Variants in PCDH15 observed in about 807,000 individuals in gnomAD.
PCDH15 encodes protocadherin-15.
Under a neutral mutation model 178.5 loss-of-function variants are expected in PCDH15, and 129 were observed. The observed-to-expected ratio is 0.72, with a 90% CI of 0.63 to 0.84. PCDH15 has a LOEUF of 0.84. Ranked by LOEUF, PCDH15 falls within the 40% of genes least tolerant of loss-of-function variation. The pLI is 0.00. For synonymous variants in PCDH15, 800 were observed against 732.0 expected, an observed-to-expected ratio of 1.09 and a Z score of -1.50; for missense variants, 2,230 against 2,099.9, an observed-to-expected ratio of 1.06 and a Z score of -1.21.
intron 2 of PCDH15, among the ~76,000 whole-genome samples, chr10:55,415,383 C>T (rs1288538290): frequency 6.6e-6 from 1 of 151,494 alleles, no homozygotes; most frequent in Non-Finnish European, 1.5e-5. Flanking sequence ...ATATAATAAA[C>T]AGAAAATTGC....
intron 2 of PCDH15, among the ~76,000 whole-genome samples, chr10:55,455,453 A>G (rs112027059): frequency 7.2e-5 from 11 of 152,300 alleles, no homozygotes; most frequent in African/African-American, 2.6e-4. Flanking sequence ...ATGACACTAA[A>G]AAACAGCTGG....
At chr10:55,135,378 G>A (rs1212128992) in intron 2 of PCDH15, among the ~76,000 whole-genome samples, 1 of 151,702 alleles carries the variant, frequency 6.6e-6, no homozygotes, top group Non-Finnish European at 1.5e-5. Flanking sequence ...TGGACCTCAT[G>A]CTAATTTCAA....
intron 5 of PCDH15, among the ~76,000 whole-genome samples, chr10:54,362,665 CCTT>C (rs1946225348): frequency 6.6e-6 from 1 of 151,946 alleles, no homozygotes; most frequent in African/African-American, 2.4e-5. Context: ...TCTAGAAAAA[CCTT>C]TCAACGAAAA....
chr10:54,474,046 G>A (rs892896898), intron 3 of PCDH15, among the ~76,000 whole-genome samples: 1 of 151,726 alleles, frequency 6.6e-6, no homozygotes, highest in Non-Finnish European at 1.5e-5. Context: ...TCCTGATAAA[G>A]TAAATTTAGT....
chr10:54,098,036 C>T (rs1307090771), intron 15 of PCDH15, among the ~76,000 whole-genome samples: 1 of 152,114 alleles, frequency 6.6e-6, no homozygotes, highest in African/African-American at 2.4e-5. Context: ...GAAGGAAGTA[C>T]AGCATTTCAA....
intron 3 of PCDH15, among the ~76,000 whole-genome samples, chr10:54,492,118 G>A (rs529906179): frequency 1.0e-3 from 156 of 152,232 alleles, no homozygotes; most frequent in South Asian, 1.7e-3. Flanking sequence ...TAAGTGTAGC[G>A]TAAGAATTCA....
chr10:54,109,517 C>A (rs1019973836), intron 15 of PCDH15, among the ~76,000 whole-genome samples: 5 of 152,060 alleles, frequency 3.3e-5, no homozygotes, highest in Admixed American at 6.6e-5. Context: ...CTGTCATTTT[C>A]AAAAACATGA....
At chr10:54,295,602 C>T (rs2059702767) in intron 8 of PCDH15, among the ~76,000 whole-genome samples, 2 of 152,174 alleles carry the variant, frequency 1.3e-5, no homozygotes, top group Admixed American at 6.5e-5. Context: ...CGTATCTGAA[C>T]ATCCAAATGA....
intron 20 of PCDH15, among the ~76,000 whole-genome samples, chr10:54,017,472 A>C (rs2092777347): frequency 6.6e-6 from 1 of 152,194 alleles, no homozygotes; most frequent in Non-Finnish European, 1.5e-5. Flanking sequence ...AAAGAATAAA[A>C]CCATGTCCTT....
intron 2 of PCDH15, among the ~76,000 whole-genome samples, chr10:55,415,341 T>C (rs927072781): frequency 6.6e-6 from 1 of 151,676 alleles, no homozygotes; most frequent in East Asian, 1.9e-4. Flanking sequence ...AGAGCACTGC[T>C]AAAATAATCC....
chr10:54,269,232 G>A (rs930696178), intron 8 of PCDH15, among the ~76,000 whole-genome samples: 1 of 151,824 alleles, frequency 6.6e-6, no homozygotes, highest in Non-Finnish European at 1.5e-5. Context: ...CAAACCAATA[G>A]GTGTTTTTCA....
At chr10:55,064,616 T>C (rs559798132) in intron 2 of PCDH15, among the ~76,000 whole-genome samples, 1 of 152,076 alleles carries the variant, frequency 6.6e-6, no homozygotes, top group African/African-American at 2.4e-5. Flanking sequence ...TAGCTACTTA[T>C]ACTAAAATAC....
At chr10:54,248,965 A>G (rs1414865577) in intron 8 of PCDH15, among the ~76,000 whole-genome samples, 5 of 152,034 alleles carry the variant, frequency 3.3e-5, no homozygotes, top group African/African-American at 4.8e-5. Flanking sequence ...TGAGTTGCCA[A>G]TGAAAAACTT....
At chr10:54,995,426 A>T (rs1388418479) in intron 2 of PCDH15, among the ~76,000 whole-genome samples, 6 of 151,602 alleles carry the variant, frequency 4.0e-5, no homozygotes. Context: ...AAATTATCTT[A>T]CTTTAGAATA....
At chr10:55,463,481 A>C (rs1365476722) in intron 2 of PCDH15, among the ~76,000 whole-genome samples, 1 of 151,842 alleles carries the variant, frequency 6.6e-6, no homozygotes, top group Non-Finnish European at 1.5e-5. Context: ...CCTTGTCTCT[A>C]TAAAAAAAAA....
intron 2 of PCDH15, among the ~76,000 whole-genome samples, chr10:55,067,139 G>A (rs1003516946): frequency 6.6e-6 from 1 of 151,868 alleles, no homozygotes; most frequent in South Asian, 2.1e-4. Flanking sequence ...AACCAGGAAA[G>A]GTATAATTAT....
At chr10:53,868,631 A>T (rs769536128) in intron 26 of PCDH15, among the ~76,000 whole-genome samples, 2 of 152,198 alleles carry the variant, frequency 1.3e-5, no homozygotes, top group Non-Finnish European at 2.9e-5. Flanking sequence ...GACACAAATG[A>T]TTAAAATAGT....
chr10:55,077,818 A>T lies in PCDH15; in HGVS notation c.-80+88758T>A, dbSNP rs561021118. 2.0e-3 allele frequency among the ~76,000 whole-genome samples: 302 copies of T among 152,252 alleles called. 2 individuals are homozygous for T. The highest frequency in any genetic ancestry group is 7.0e-3 in the African/African-American group (290 of 41,548). ...TGGCTTGGCCTCTCAAAGTGCTAGGATTACAGGCGTGAGCCACCGTGCCCG... is the reference window on the plus strand; with the variant it reads ...TGGCTTGGCCTCTCAAAGTGCTAGGTTTACAGGCGTGAGCCACCGTGCCCG... On this transcript the variant is annotated intron_variant, in intron 2 of 5. Transcript: ENST00000458638.
intron 1 of PCDH15, among the ~76,000 whole-genome samples, chr10:55,216,880 T>A (rs1304193530): frequency 1.3e-5 from 2 of 151,892 alleles, no homozygotes; most frequent in African/African-American, 4.8e-5. Flanking sequence ...GACATTTGTT[T>A]TTTTCTCCAT....
Sources: gnomAD v4.1 joint callset for allele counts (sites outside exome capture counted in the v4.1 genomes callset) on GRCh38, gnomAD v4.1.1 for gene constraint, MANE v1.5 for transcripts, NCBI Gene and HGNC (gene_info 2026-07-23, HGNC 2026-07-21) for gene names.